NBAS: variants seen among roughly 807,000 people sequenced by gnomAD.
The protein encoded by NBAS is NBAS subunit of NRZ tethering complex, also known as NAG/BC035112 fusion.
NBAS carries 219 observed loss-of-function variants against 302.5 expected under a neutral mutation model. The observed-to-expected ratio is 0.72, with a 90% confidence interval of 0.65 to 0.81. The LOEUF (loss-of-function observed/expected upper bound fraction) is 0.81. NBAS is among the 30% of genes least tolerant of loss of function. The probability of loss-of-function intolerance (pLI) is 0.00; values close to 1 mark genes in which losing one functional copy is unlikely to be tolerated. For missense variants in NBAS, 2,932 were observed against 2,841.6 expected (o/e 1.03, Z -0.72); for synonymous variants, 1,118 against 1,021.6 (o/e 1.09, Z -1.80).
At chr2:15,291,750 T>C (rs1051842804) in intron 41 of NBAS, among the ~76,000 whole-genome samples, 3 of 152,124 alleles carry the variant, frequency 2.0e-5, no homozygotes, top group Admixed American at 6.5e-5. Context: ...TAGTTTACCA[T>C]ACTGAAGAAG....
chr2:15,506,012 A>G (rs1370683564), intron 10 of NBAS, among the ~76,000 whole-genome samples: 1 of 152,064 alleles, frequency 6.6e-6, no homozygotes, highest in Non-Finnish European at 1.5e-5. Flanking sequence ...CTCAAGGATA[A>G]TTTAGTAAGG....
chr2:15,227,299 G>A (rs1667187432), intron 47 of NBAS, among the ~76,000 whole-genome samples: 1 of 151,938 alleles, frequency 6.6e-6, no homozygotes, highest in East Asian at 1.9e-4. Flanking sequence ...CTTAACCAAG[G>A]AGGTAAAAGA....
At chr2:15,383,433 T>C in intron 28 of NBAS, 116 bp from the exon 29 acceptor site, 2 of 775,748 alleles carry the variant, frequency 2.6e-6, no homozygotes, top group Non-Finnish European at 4.6e-6. Flanking sequence ...TATATCCACA[T>C]CAGCTCTCAA....
chr2:15,079,260 T>C, the NBAS span, among the ~76,000 whole-genome samples: 2 of 152,172 alleles, frequency 1.3e-5, no homozygotes, highest in Non-Finnish European at 2.9e-5. Context: ...ATAAGAAACC[T>C]ATCTGAGCCA....
At chr2:15,004,747 G>A in the NBAS span, among the ~76,000 whole-genome samples, 3 of 146,718 alleles carry the variant, frequency 2.0e-5, no homozygotes, top group Admixed American at 7.0e-5. Flanking sequence ...GAACTCAAGC[G>A]ATCCACCCCC....
the NBAS span, among the ~76,000 whole-genome samples, chr2:14,975,714 C>G: frequency 6.6e-6 from 1 of 152,082 alleles, no homozygotes; most frequent in East Asian, 1.9e-4. Context: ...GTCCCACATA[C>G]GTTGATAATT....
the NBAS span, among the ~76,000 whole-genome samples, chr2:14,883,191 G>T: frequency 6.6e-6 from 1 of 152,256 alleles, no homozygotes; most frequent in East Asian, 1.9e-4. Context: ...AAGCTTCAAG[G>T]TGTGCATATG....
the NBAS span, among the ~76,000 whole-genome samples, chr2:15,090,668 A>C: frequency 0.026 from 3,954 of 152,302 alleles, 192 homozygotes; most frequent in African/African-American, 0.09. Flanking sequence ...AAAAATCCTT[A>C]TAGGTAGGTA....
At chr2:15,370,010 G>A (rs1303160370) in intron 31 of NBAS, among the ~76,000 whole-genome samples, 2 of 152,332 alleles carry the variant, frequency 1.3e-5, no homozygotes, top group African/African-American at 4.8e-5. Flanking sequence ...AATCTGAACC[G>A]TGTGGGCAAG....
intron 43 of NBAS, 117 bp from the exon 44 acceptor site, chr2:15,275,935 G>T: frequency 1.2e-6 from 1 of 826,260 alleles, no homozygotes; most frequent in Non-Finnish European, 1.9e-6. Flanking sequence ...TATCAACTTA[G>T]CTCTAAGTAG....
chr2:15,232,369 A>G lies in NBAS; in HGVS notation c.6236+53T>C, dbSNP rs368324093. 4.2e-5 allele frequency: 65 copies of G among 1,532,966 alleles called. No homozygotes were observed. In the African/African-American group the frequency reaches 8.1e-4, roughly 19 times the overall value. The allele number at this position is 1,532,966 out of a possible 1,614,324, so 95.0% of individuals were successfully genotyped here. Reference sequence around the variant, plus strand: ...ACATACGGATACTAAGAGCAATTCTAATACTCTGAGGAAAGCCAGTTAATG... The same window carrying G: ...ACATACGGATACTAAGAGCAATTCTGATACTCTGAGGAAAGCCAGTTAATG... On this transcript the variant is annotated intron_variant, in intron 47 of 51. Transcript: ENST00000281513.
rs141920118 is a variant in NBAS, at chr2:15,517,509, T to C, written c.747-6159A>G. ...GGAATTTTGTTTGTATTATTGTCTT[T>C]GATATTTATATATGTCTGTGAATGT... On this transcript the variant is annotated intron_variant, in intron 9 of 51. Transcript: ENST00000281513. Among the ~76,000 whole-genome samples the C allele has an allele frequency of 5.0e-3, 769 of 152,290 alleles. 9 individuals carry two copies. The highest frequency in any genetic ancestry group is 0.017 in the African/African-American group (716 of 41,552).
the NBAS span, among the ~76,000 whole-genome samples, chr2:15,082,779 A>T: frequency 6.6e-6 from 1 of 152,182 alleles, no homozygotes; most frequent in Non-Finnish European, 1.5e-5. Context: ...CATGGCATGC[A>T]TTCTCCCATT....
intron 38 of NBAS, among the ~76,000 whole-genome samples, chr2:15,323,476 G>A (rs1671915365): frequency 6.6e-6 from 1 of 152,142 alleles, no homozygotes; most frequent in African/African-American, 2.4e-5. Context: ...CATGAGGCTG[G>A]GGAGAACCTA....
At chr2:14,907,876 C>T in the NBAS span, among the ~76,000 whole-genome samples, 1 of 152,206 alleles carries the variant, frequency 6.6e-6, no homozygotes, top group South Asian at 2.1e-4. Flanking sequence ...CCCGAACCCA[C>T]TTATCTATGA....
At chr2:14,818,724 A>G in the NBAS span, among the ~76,000 whole-genome samples, 13 of 152,206 alleles carry the variant, frequency 8.5e-5, no homozygotes, top group Admixed American at 6.5e-5. Flanking sequence ...ACCTCTACAA[A>G]GCAGCTAACG....
At chr2:15,159,593 T>C in the NBAS span, among the ~76,000 whole-genome samples, 3 of 150,444 alleles carry the variant, frequency 2.0e-5, no homozygotes, top group South Asian at 2.1e-4. Flanking sequence ...GATGGTAGCA[T>C]GGTGGTTATT....
At chr2:14,822,436 C>G in the NBAS span, among the ~76,000 whole-genome samples, 900 of 152,260 alleles carry the variant, frequency 5.9e-3, 19 homozygotes, top group East Asian at 0.035. Flanking sequence ...TCTTCATGGA[C>G]TCTTCTGAGA....
Position 15,431,286 on chromosome 2 carries a change from A to C in NBAS, c.2340-3492T>G, listed in dbSNP as rs13033713. The stretch of plus-strand genomic sequence containing the variant: ...AGGTTTGATCACTCATGTTCATGTA[A>C]AAACAAAAAAACCCTTCTTGTTGCT... On this transcript the variant is annotated intron_variant, in intron 21 of 51. Transcript: ENST00000281513. Among the ~76,000 whole-genome samples the C allele has an allele frequency of 2.6e-3, 400 of 151,832 alleles. 2 individuals are homozygous for C. Among genetic ancestry groups the C allele is most frequent in the Middle Eastern group, 0.01 (3 of 294 alleles).
Sources: gnomAD v4.1 joint callset for allele counts (sites outside exome capture counted in the v4.1 genomes callset) on GRCh38, gnomAD v4.1.1 for gene constraint, MANE v1.5 for transcripts, NCBI Gene and HGNC (gene_info 2026-07-23, HGNC 2026-07-21) for gene names.